The following ITGBL1 variants were observed in gnomAD, a reference collection of about 807,000 sequenced individuals.
The protein encoded by ITGBL1 is integrin beta-like protein 1.
A neutral mutation model predicts 68.5 loss-of-function variants in ITGBL1; 51 were observed. That is an observed-to-expected ratio of 0.74 (90% confidence interval 0.59 to 0.94). The LOEUF is 0.94. ITGBL1 is among the 40% of genes least tolerant of loss of function. The pLI is 0.00. For synonymous variants in ITGBL1, 209 were observed against 227.3 expected (o/e 0.92, Z 0.72); for missense variants, 649 against 647.4 (o/e 1.00, Z -0.03).
chr13:101,622,284 T>A (rs2031613319), intron 7 of ITGBL1, among the ~76,000 whole-genome samples: 1 of 152,156 alleles, frequency 6.6e-6, no homozygotes. Flanking sequence ...CTCATGATGA[T>A]GGTAGTATCA....
intron 2 of ITGBL1, among the ~76,000 whole-genome samples, chr13:101,543,367 C>A (rs150871459): frequency 1.5e-4 from 23 of 152,174 alleles, no homozygotes; most frequent in African/African-American, 4.1e-4. Context: ...CTTTTCTTTA[C>A]GAATGTTGAA....
At chr13:101,496,065 C>T (rs2048853535) in intron 2 of ITGBL1, among the ~76,000 whole-genome samples, 2 of 152,286 alleles carry the variant, frequency 1.3e-5, no homozygotes, top group South Asian at 4.2e-4. Context: ...CACCATTTCT[C>T]ACAGATACAT....
In ITGBL1 at chr13:101,584,193, G is replaced by A. The variant is rs183705477; in HGVS notation, c.868+837G>A. Among the ~76,000 whole-genome samples the A allele has an allele frequency of 5.0e-3, 763 of 152,304 alleles. 8 individuals are homozygous for A. The highest frequency in any genetic ancestry group is 0.017 in the African/African-American group (710 of 41,562). On this transcript the variant is annotated intron_variant, in intron 6 of 10. Transcript: ENST00000376180. ...GGACTGAGTGACATCTGGGCTACTG[G>A]TGTAGTAGGAGCCAGTAGGGGACAG...
At chr13:101,675,498 C>A (rs1594972578) in intron 7 of ITGBL1, among the ~76,000 whole-genome samples, 1 of 152,224 alleles carries the variant, frequency 6.6e-6, no homozygotes. Context: ...TTGTACATAG[C>A]CTTCCCTTTG....
intron 3 of ITGBL1, among the ~76,000 whole-genome samples, chr13:101,571,844 T>G (rs2050278250): frequency 6.6e-6 from 1 of 152,162 alleles, no homozygotes; most frequent in African/African-American, 2.4e-5. Context: ...TTCTCTTTAT[T>G]TTTTCAAAAG....
At chr13:101,490,372 T>A (rs771657820) in intron 2 of ITGBL1, among the ~76,000 whole-genome samples, 3 of 152,216 alleles carry the variant, frequency 2.0e-5, no homozygotes, top group African/African-American at 4.8e-5. Context: ...GCCACCTTTT[T>A]ATGGTATTTT....
intron 7 of ITGBL1, among the ~76,000 whole-genome samples, chr13:101,601,964 A>G (rs547182140): frequency 6.6e-6 from 1 of 152,034 alleles, no homozygotes; most frequent in Admixed American, 6.6e-5. Flanking sequence ...TAGAACTAAT[A>G]ATAAATCCAA....
At chr13:101,463,281 C>T (rs2048341083) in intron 2 of ITGBL1, among the ~76,000 whole-genome samples, 1 of 152,082 alleles carries the variant, frequency 6.6e-6, no homozygotes, top group Non-Finnish European at 1.5e-5. Context: ...AGTCTTTGAA[C>T]TATTATATCC....
chr13:101,459,116 A>G (rs1284609985), intron 2 of ITGBL1, among the ~76,000 whole-genome samples: 1 of 152,216 alleles, frequency 6.6e-6, no homozygotes, highest in African/African-American at 2.4e-5. Context: ...CATGACTTAA[A>G]GTTCTTTTAA....
At chr13:101,471,522 GTGTGTATGTA>G (rs755775850) in intron 2 of ITGBL1, among the ~76,000 whole-genome samples, 262 of 80,370 alleles carry the variant, frequency 3.3e-3, no homozygotes, top group South Asian at 0.023. Context: ...GTGTGTGTGT[GTGTGTATGTA>G]TGTGTGTGTG....
intron 2 of ITGBL1, among the ~76,000 whole-genome samples, chr13:101,540,356 T>C (rs1450623008): frequency 5.9e-5 from 9 of 152,318 alleles, no homozygotes; most frequent in African/African-American, 2.2e-4. Flanking sequence ...AAAGATCAGA[T>C]GGTTGTAGAT....
intron 2 of ITGBL1, among the ~76,000 whole-genome samples, chr13:101,484,385 T>C (rs1010268813): frequency 1.3e-5 from 2 of 152,166 alleles, no homozygotes; most frequent in African/African-American, 4.8e-5. Flanking sequence ...CTTTTCTACA[T>C]GGTTTATTTA....
intron 6 of ITGBL1, among the ~76,000 whole-genome samples, chr13:101,595,286 G>A (rs567279193): frequency 4.6e-5 from 7 of 151,846 alleles, no homozygotes; most frequent in East Asian, 1.9e-4. Context: ...GGGAGGAGGC[G>A]CCACACTCTT....
intron 7 of ITGBL1, among the ~76,000 whole-genome samples, chr13:101,605,022 ATATG>A (rs2030663562): frequency 7.3e-6 from 1 of 137,222 alleles, no homozygotes; most frequent in Admixed American, 7.3e-5. Context: ...GTATATGTGT[ATATG>A]TATATATACA....
At chr13:101,706,954 T>A (rs1479859273) in intron 9 of ITGBL1, 52 bp downstream of exon 9, 6 of 1,571,724 alleles carry the variant, frequency 3.8e-6, no homozygotes, top group Middle Eastern at 1.7e-4. Flanking sequence ...ACACATGATT[T>A]GTAGAACAGC....
chr13:101,513,292 G>A (rs190747071), intron 2 of ITGBL1, among the ~76,000 whole-genome samples: 1 of 152,080 alleles, frequency 6.6e-6, no homozygotes, highest in African/African-American at 2.4e-5. Context: ...TGTGACAGAT[G>A]TGAGTTATAC....
intron 2 of ITGBL1, among the ~76,000 whole-genome samples, chr13:101,485,262 A>G (rs1053193821): frequency 5.3e-5 from 8 of 152,226 alleles, no homozygotes; most frequent in Non-Finnish European, 1.0e-4. Context: ...AGATGAATCT[A>G]CACTAAGTCA....
intron 2 of ITGBL1, among the ~76,000 whole-genome samples, chr13:101,530,095 GACA>G (rs1307322797): frequency 6.6e-6 from 1 of 152,148 alleles, no homozygotes; most frequent in Non-Finnish European, 1.5e-5. Flanking sequence ...AGAGAGAAGA[GACA>G]GGTGGTACAC....
At chr13:101,546,941 A>G (rs1159633204) in intron 2 of ITGBL1, among the ~76,000 whole-genome samples, 3 of 152,062 alleles carry the variant, frequency 2.0e-5, no homozygotes, top group Admixed American at 1.3e-4. Context: ...CAAATATTTT[A>G]GTATCAGTAG....
Sources: allele counts gnomAD v4.1 joint callset (sites outside exome capture counted in the v4.1 genomes callset), GRCh38; gene constraint gnomAD v4.1.1; transcripts MANE v1.5; gene names NCBI Gene and HGNC (gene_info 2026-07-23, HGNC 2026-07-21).